Variants in FHIT observed in about 807,000 individuals in gnomAD.
The protein encoded by FHIT is fragile histidine triad diadenosine triphosphatase, also known as bis(5'-adenosyl)-triphosphatase.
Under a neutral mutation model 17.9 loss-of-function variants are expected in FHIT, and 19 were observed. The ratio of observed to expected loss-of-function variants is 1.06; its 90% CI spans 0.74 to 1.56. FHIT has a LOEUF of 1.56. Ranked by LOEUF, FHIT falls within the 40% of genes most tolerant of loss-of-function variation. FHIT has a pLI of 0.00. For missense variants in FHIT, 248 were observed against 189.2 expected, an observed-to-expected ratio of 1.31 and a Z score of -1.82; for synonymous variants, 81 against 69.7, an observed-to-expected ratio of 1.16 and a Z score of -0.81.
chr3:60,011,411 G>GA lies in FHIT; in HGVS notation c.250-12dup. On this transcript the variant is annotated splice_polypyrimidine_tract_variant and intron_variant, in intron 6 of 9. Coordinates refer to ENST00000492590, the MANE Select transcript of FHIT (RefSeq NM_002012.4). ...GGCTTCGGGGCCATCCTAGAAGTAG[G>GA]AAAAAACCAACAGAGGTGAGAATAG... 6.2e-7 allele frequency: 1 copy of GA among 1,612,626 alleles called. No homozygotes were observed. The highest frequency in any genetic ancestry group is 8.5e-7 in the Non-Finnish European group (1 of 1,178,832).
intron 5 of FHIT, among the ~76,000 whole-genome samples, chr3:60,085,601 C>T (rs1469071120): frequency 6.6e-6 from 1 of 152,170 alleles, no homozygotes; most frequent in Non-Finnish European, 1.5e-5. Context: ...AGTTGAATGC[C>T]ACTTGTTGTC....
chr3:61,188,391 GA>G (rs1180296055), intron 2 of FHIT, among the ~76,000 whole-genome samples: 1 of 152,148 alleles, frequency 6.6e-6, no homozygotes, highest in Non-Finnish European at 1.5e-5. Context: ...GAAAGAAGTT[GA>G]ATCTCTGAAT....
intron 4 of FHIT, chr3:60,617,304 C>G (rs1197537824): frequency 2.3e-5 from 4 of 176,266 alleles, no homozygotes; most frequent in Non-Finnish European, 5.1e-5. Flanking sequence ...CCCATGAAAA[C>G]CTAAACTTAG....
At position 60,244,457 on chromosome 3, in the gene FHIT, T is replaced by C. The variant is rs533495744; in HGVS notation, c.104-230305A>G. ...AAACCAAAAATTTAAGGAATACCTCTGAATATAACTCAGAATAATGTAACA... is the reference window on the plus strand; with the variant it reads ...AAACCAAAAATTTAAGGAATACCTCCGAATATAACTCAGAATAATGTAACA... On this transcript the variant is annotated intron_variant, in intron 5 of 9. Transcript: ENST00000492590. 3.3e-5 allele frequency among the ~76,000 whole-genome samples: 5 copies of C among 152,264 alleles called. No individual in the cohort carries two copies. The South Asian group carries it at 1.0e-3, about 32-fold the overall frequency.
chr3:61,015,284 T>C (rs531263262), intron 3 of FHIT, among the ~76,000 whole-genome samples: 3 of 152,294 alleles, frequency 2.0e-5, no homozygotes, highest in South Asian at 2.1e-4. Context: ...GATTTTTTTT[T>C]ATCCCTCTGA....
At chr3:60,034,728 G>A (rs1701143283) in intron 5 of FHIT, among the ~76,000 whole-genome samples, 1 of 152,136 alleles carries the variant, frequency 6.6e-6, no homozygotes, top group Non-Finnish European at 1.5e-5. Context: ...GTAGTAAAAT[G>A]TGACCTTATT....
intron 2 of FHIT, among the ~76,000 whole-genome samples, chr3:61,185,794 G>T (rs1056969283): frequency 6.6e-6 from 1 of 152,214 alleles, no homozygotes; most frequent in South Asian, 2.1e-4. Context: ...CTGGGCTGTA[G>T]GATTATACAC....
intron 4 of FHIT, among the ~76,000 whole-genome samples, chr3:60,688,345 A>C (rs1382410370): frequency 2.6e-5 from 4 of 152,186 alleles, no homozygotes; most frequent in Non-Finnish European, 5.9e-5. Flanking sequence ...AATACTAAGA[A>C]AATGGCTTTT....
chr3:59,912,674 A>G (rs112781752), intron 8 of FHIT, among the ~76,000 whole-genome samples: 92 of 152,218 alleles, frequency 6.0e-4, no homozygotes, highest in Non-Finnish European at 9.4e-4. Context: ...TTACTAGAAG[A>G]AACAATTTTT....
intron 4 of FHIT, among the ~76,000 whole-genome samples, chr3:60,746,186 T>C (rs1032200783): frequency 2.6e-5 from 4 of 152,208 alleles, no homozygotes; most frequent in Admixed American, 6.5e-5. Flanking sequence ...GAAGCTGACA[T>C]GGTCTCGGTC....
intron 5 of FHIT, among the ~76,000 whole-genome samples, chr3:60,313,737 AC>A (rs10715035): frequency 1 from 152,260 of 152,260 alleles, 76,130 homozygotes; most frequent in Non-Finnish European, 1. Flanking sequence ...AGCATTTTGC[AC>A]ATTAATTAAA....
intron 4 of FHIT, among the ~76,000 whole-genome samples, chr3:60,794,003 C>T (rs1382136944): frequency 6.6e-6 from 1 of 151,928 alleles, no homozygotes; most frequent in Non-Finnish European, 1.5e-5. Context: ...GCAAATGGTC[C>T]AAAAATCAAA....
At chr3:60,209,384 T>G (rs1436563506) in intron 5 of FHIT, among the ~76,000 whole-genome samples, 3 of 152,182 alleles carry the variant, frequency 2.0e-5, no homozygotes, top group African/African-American at 7.2e-5. Flanking sequence ...TAGAACCCTG[T>G]GACCTTAAGA....
chr3:60,993,371 G>A (rs549859638), intron 3 of FHIT, among the ~76,000 whole-genome samples: 10 of 152,148 alleles, frequency 6.6e-5, no homozygotes, highest in Non-Finnish European at 1.2e-4. Context: ...TGCCTGAAAC[G>A]GCTTGAGCAC....
chr3:60,148,637 A>G (rs1700337204), intron 5 of FHIT, among the ~76,000 whole-genome samples: 1 of 152,174 alleles, frequency 6.6e-6, no homozygotes, highest in Non-Finnish European at 1.5e-5. Flanking sequence ...TATAGGTTAC[A>G]CCACACCGTA....
At position 60,731,724 on chromosome 3, in the gene FHIT, A is replaced by G. The variant is rs373895886; in HGVS notation, c.-18+90195T>C. ...AGATCTTATTAGGAAGCTGCTGATC[A>G]CCGGTTTTAGGTTTCTTCTGTCTGT... On this transcript the variant is annotated intron_variant, in intron 4 of 9. Transcript: ENST00000492590. Among the ~76,000 whole-genome samples the G allele has an allele frequency of 1.3e-4, 20 of 152,114 alleles. No individual in the cohort carries two copies. In the South Asian group the frequency reaches 2.7e-3, roughly 21 times the overall value.
chr3:60,024,778 C>T (rs1011229610), intron 5 of FHIT, among the ~76,000 whole-genome samples: 1 of 152,242 alleles, frequency 6.6e-6, no homozygotes, highest in African/African-American at 2.4e-5. Flanking sequence ...CTAACTGGAT[C>T]TTCAGGAAAG....
intron 4 of FHIT, among the ~76,000 whole-genome samples, chr3:60,670,706 A>C (rs1487687931): frequency 4.6e-5 from 7 of 152,174 alleles, no homozygotes; most frequent in Non-Finnish European, 7.3e-5. Context: ...TTAAACTCCA[A>C]AGTTCTCTTC....
intron 8 of FHIT, among the ~76,000 whole-genome samples, chr3:59,813,552 T>C (rs1272695174): frequency 2.0e-5 from 3 of 152,196 alleles, no homozygotes; most frequent in African/African-American, 7.2e-5. Context: ...TTGGAGGTAG[T>C]CTTTGGAACA....
Sources: gnomAD v4.1 joint callset for allele counts (sites outside exome capture counted in the v4.1 genomes callset) on GRCh38, gnomAD v4.1.1 for gene constraint, MANE v1.5 for transcripts, NCBI Gene and HGNC (gene_info 2026-07-23, HGNC 2026-07-21) for gene names.